Variants in DGKH observed in about 807,000 individuals in gnomAD.
DGKH encodes the protein DAG kinase eta.
Under a neutral mutation model 159.3 loss-of-function variants are expected in DGKH, and 90 were observed. The observed-to-expected ratio is 0.57, with a 90% CI of 0.48 to 0.67. The LOEUF is 0.67. DGKH is among the 30% of genes least tolerant of loss of function. The pLI is 0.00. For missense variants in DGKH, 1,181 were observed against 1,506.1 expected, an observed-to-expected ratio of 0.78 and a Z score of 3.57; for synonymous variants, 536 against 553.8, an observed-to-expected ratio of 0.97 and a Z score of 0.45.
chr13:42,069,828 C>T, intron 1 of DGKH: 1 of 936,938 alleles, frequency 1.1e-6, no homozygotes, highest in Non-Finnish European at 1.6e-6. Flanking sequence ...GCCAACAAGG[C>T]TCAGCAGAGT....
At chr13:42,095,641 C>T (rs923461052) in intron 1 of DGKH, among the ~76,000 whole-genome samples, 2 of 152,128 alleles carry the variant, frequency 1.3e-5, no homozygotes, top group African/African-American at 4.8e-5. Context: ...AAAGGAAACT[C>T]GTTCTTCCTG....
At chr13:42,070,180 C>A in intron 1 of DGKH, 13 of 946,564 alleles carry the variant, frequency 1.4e-5, no homozygotes. Flanking sequence ...TGCTATTAAC[C>A]AATCCATGGG....
chr13:42,236,838 G>T lies in DGKH; in HGVS notation c.*7650G>T, dbSNP rs577117050. 7 of 151,946 alleles carry T rather than the reference G, an allele frequency of 4.6e-5. No individual in the cohort carries two copies. Among genetic ancestry groups the T allele is most frequent in the Admixed American group, 4.6e-4 (7 of 15,234 alleles). The allele number at this position is 151,946 out of a possible 1,614,324, so 9.4% of individuals were successfully genotyped here. ...GAATTGCTTGAACCCAGGAGGTGGA[G>T]GTTGCAGTGAGCCAAGATCTCGCCA... On this transcript the variant is annotated 3_prime_UTR_variant, in exon 30 of 30. Coordinates refer to ENST00000337343, the MANE Select transcript of DGKH (RefSeq NM_178009.5).
At chr13:42,244,903 C>CAAAAAAAAAAAAAA (rs57184890), downstream of DGKH, among the ~76,000 whole-genome samples, 3 of 42,964 alleles carry the variant, frequency 7.0e-5, no homozygotes, top group Admixed American at 4.4e-4. Context: ...GACTCCGTCT[C>CAAAAAAAAAAAAAA]AAAAAAAAAA....
intron 16 of DGKH, among the ~76,000 whole-genome samples, chr13:42,194,541 T>C (rs762673627): frequency 6.6e-6 from 1 of 152,242 alleles, no homozygotes; most frequent in Non-Finnish European, 1.5e-5. Context: ...AAGGATTACA[T>C]GGGTAGTGTG....
intron 1 of DGKH, among the ~76,000 whole-genome samples, chr13:42,051,523 G>A (rs1881299593): frequency 6.6e-6 from 1 of 151,992 alleles, no homozygotes; most frequent in Admixed American, 6.6e-5. Flanking sequence ...CTTCAATTAT[G>A]ATTCAGATGA....
At chr13:42,211,627 G>A (rs1467638980) in intron 24 of DGKH, among the ~76,000 whole-genome samples, 1 of 152,180 alleles carries the variant, frequency 6.6e-6, no homozygotes, top group Non-Finnish European at 1.5e-5. Context: ...GAACCTGAGT[G>A]GTGGAAGTTG....
intron 3 of DGKH, among the ~76,000 whole-genome samples, chr13:42,147,689 G>T (rs182607772): frequency 6.6e-6 from 1 of 152,306 alleles, no homozygotes; most frequent in Admixed American, 6.5e-5. Flanking sequence ...TTTACAGTGG[G>T]AGTGTGTGTG....
chr13:42,199,564 A>G lies in DGKH; in HGVS notation c.2286-2A>G. On this transcript the variant is annotated splice_acceptor_variant, in intron 18 of 29. Coordinates refer to ENST00000337343, the MANE Select transcript of DGKH (RefSeq NM_178009.5). LOFTEE classifies it high-confidence loss of function. ...TTGATGTACTTTTCCCTGTGATCAT[A>G]GAGATGGATATTCAGAAAAATGTGT... 1 of 1,566,636 alleles carries G rather than the reference A, an allele frequency of 6.4e-7. No homozygotes were observed. Among genetic ancestry groups the G allele is most frequent in the South Asian group, 1.2e-5 (1 of 83,980 alleles).
chr13:42,081,413 A>G (rs1249993642), intron 1 of DGKH, among the ~76,000 whole-genome samples: 1 of 152,184 alleles, frequency 6.6e-6, no homozygotes, highest in Non-Finnish European at 1.5e-5. Context: ...TGTTTTTAAC[A>G]GAGACAGGGT....
intron 3 of DGKH, among the ~76,000 whole-genome samples, chr13:42,142,520 A>G (rs1373471913): frequency 6.6e-6 from 1 of 151,546 alleles, no homozygotes; most frequent in Non-Finnish European, 1.5e-5. Context: ...GATTCTTCCT[A>G]CCCATGAGCA....
chr13:42,255,566 T>A (rs1169990769), intron 30 of DGKH, among the ~76,000 whole-genome samples: 1 of 152,184 alleles, frequency 6.6e-6, no homozygotes, highest in East Asian at 1.9e-4. Flanking sequence ...TTGGGCAATG[T>A]CAGCCATGTT....
Position 42,127,501 on chromosome 13 carries a change from TTC to T in DGKH, c.233_234del (p.Ser78PhefsTer28). On this transcript the variant is annotated frameshift_variant, in exon 2 of 30. Transcript: ENST00000337343. LOFTEE classifies it high-confidence loss of function. ...AGGGACAGCTATTGAAGCAAACCAG[TTC>T]TTTCCAAAGGTGGAAAAAGCGATAC... Reference protein sequence around the residue: ...KEGQLLKQTSSFQRWKKRYFK... With the variant: ...KEGQLLKQTSXFQRWKKRYFK... 1 of 1,613,872 alleles carries T rather than the reference TTC, an allele frequency of 6.2e-7. No homozygotes were observed. The highest frequency in any genetic ancestry group is 8.5e-7 in the Non-Finnish European group (1 of 1,179,794).
rs7984077 is a variant in DGKH, at chr13:42,237,449, G to T, written c.*8261G>T. The T allele has an allele frequency of 3.3e-5, 5 of 152,170 alleles. No homozygotes were observed. The highest frequency in any genetic ancestry group is 7.4e-5 in the Non-Finnish European group (5 of 68,026). The allele number at this position is 152,170 out of a possible 1,614,324, so 9.4% of individuals were successfully genotyped here. On this transcript the variant is annotated 3_prime_UTR_variant, in exon 30 of 30. Transcript: ENST00000337343. ...AATTACATGGAAATTATAGGAAAAA[G>T]GAACTTGAATTGGTAATTTGGCAAA...
intron 1 of DGKH, among the ~76,000 whole-genome samples, chr13:42,040,899 TGCGCCCC>T (rs1880456194): frequency 6.8e-6 from 1 of 148,054 alleles, no homozygotes; most frequent in African/African-American, 2.5e-5. Context: ...CCTCAGCACG[TGCGCCCC>T]GCGCCCGGCG....
chr13:42,248,612 A>C (rs921863950), intron 29 of DGKH, among the ~76,000 whole-genome samples: 1 of 147,564 alleles, frequency 6.8e-6, no homozygotes, highest in Non-Finnish European at 1.5e-5. Flanking sequence ...AATTTATATA[A>C]TACATAATAT....
At chr13:42,052,949 A>G (rs1315690050) in intron 1 of DGKH, among the ~76,000 whole-genome samples, 2 of 152,192 alleles carry the variant, frequency 1.3e-5, no homozygotes, top group Admixed American at 6.5e-5. Context: ...TTTGACATTT[A>G]TATGTCTTCT....
intron 11 of DGKH, among the ~76,000 whole-genome samples, chr13:42,171,269 GC>G (rs1956447390): frequency 6.6e-6 from 1 of 152,170 alleles, no homozygotes; most frequent in Non-Finnish European, 1.5e-5. Context: ...AAGTTAAATA[GC>G]TAATAAGTAA....
At chr13:42,112,922 G>A (rs938112621) in intron 1 of DGKH, among the ~76,000 whole-genome samples, 13 of 152,214 alleles carry the variant, frequency 8.5e-5, no homozygotes, top group African/African-American at 3.1e-4. Flanking sequence ...AGCACACAGG[G>A]TTGAGTCCAG....
Sources: allele counts gnomAD v4.1 joint callset (sites outside exome capture counted in the v4.1 genomes callset), GRCh38; gene constraint gnomAD v4.1.1; transcripts MANE v1.5; gene names NCBI Gene and HGNC (gene_info 2026-07-23, HGNC 2026-07-21).